The following DNAH5 variants were observed in gnomAD, a reference collection of about 807,000 sequenced individuals.
DNAH5 encodes dynein axonemal heavy chain 5, also known as axonemal beta dynein heavy chain 5.
In DNAH5, 372 loss-of-function variants were observed where a neutral mutation model predicts 518.2. The observed-to-expected ratio is 0.72, with a 90% CI of 0.66 to 0.78. The LOEUF (loss-of-function observed/expected upper bound fraction) is 0.78, where lower values mean the gene tolerates loss of function less well. Among genes scored for constraint, DNAH5 ranks in the 30% least tolerant of loss-of-function variants. DNAH5 has a pLI of 0.00. For synonymous variants in DNAH5, 2,039 were observed against 2,025.9 expected (o/e 1.01, Z -0.17); for missense variants, 5,523 against 5,687.0 (o/e 0.97, Z 0.93).
intron 4 of DNAH5, among the ~76,000 whole-genome samples, chr5:13,923,055 G>T (rs1457183788): frequency 6.6e-6 from 1 of 152,082 alleles, no homozygotes; most frequent in East Asian, 1.9e-4. Flanking sequence ...CACCCAGAAG[G>T]TTATATCAAT....
intron 1 of DNAH5, among the ~76,000 whole-genome samples, chr5:13,965,310 T>G (rs1313092209): frequency 6.6e-6 from 1 of 152,176 alleles, no homozygotes; most frequent in Non-Finnish European, 1.5e-5. Flanking sequence ...CTGGACATGA[T>G]TGATAAGCAC....
At chr5:13,913,390 C>G (rs1169190670) in intron 11 of DNAH5, among the ~76,000 whole-genome samples, 2 of 152,000 alleles carry the variant, frequency 1.3e-5, no homozygotes, top group Non-Finnish European at 2.9e-5. Flanking sequence ...CTGGTGTCAA[C>G]TAGTGCCTGA....
chr5:13,777,472 T>TA (rs1458750892), intron 53 of DNAH5, 117 bp from the exon 54 acceptor site: 1 of 771,014 alleles, frequency 1.3e-6, no homozygotes, highest in Non-Finnish European at 2.2e-6. Context: ...TGTTCTATCG[T>TA]ATACGTATGT....
At chr5:13,857,601 G>A (rs189453430) in intron 30 of DNAH5, among the ~76,000 whole-genome samples, 4 of 152,278 alleles carry the variant, frequency 2.6e-5, no homozygotes, top group African/African-American at 9.6e-5. Flanking sequence ...CACGCTACCT[G>A]ATTTCAAACT....
rs375368946 is a variant in DNAH5 at position 13,797,886 on chromosome 5, G to A, written c.7888-3828C>T. Among the ~76,000 whole-genome samples, 15 of 152,180 alleles carry A rather than the reference G, an allele frequency of 9.9e-5. No homozygotes were observed. The East Asian group carries it at 1.2e-3, about 12-fold the overall frequency. On this transcript the variant is annotated intron_variant, in intron 47 of 78. Transcript: ENST00000265104. Reference sequence around the variant, plus strand: ...ATACTATGTAGCCATAAAAAAGGATGAGTTAATGTTCTTTGCAGGGACATG... The same window carrying A: ...ATACTATGTAGCCATAAAAAAGGATAAGTTAATGTTCTTTGCAGGGACATG...
At chr5:13,747,059 C>T (rs1030872994) in intron 65 of DNAH5, among the ~76,000 whole-genome samples, 1 of 151,746 alleles carries the variant, frequency 6.6e-6, no homozygotes, top group Non-Finnish European at 1.5e-5. Flanking sequence ...CCACAACAGG[C>T]CCCAGTGTGT....
chr5:13,856,545 C>T (rs2652775), intron 30 of DNAH5, among the ~76,000 whole-genome samples: 9,336 of 152,174 alleles, frequency 0.061, 303 homozygotes, highest in African/African-American at 0.078. Context: ...CATACCAAAA[C>T]CTGGCAGAGA....
intron 38 of DNAH5, among the ~76,000 whole-genome samples, chr5:13,827,971 C>T (rs905574598): frequency 1.2e-4 from 19 of 152,220 alleles, no homozygotes; most frequent in Non-Finnish European, 5.9e-5. Flanking sequence ...TTCCTGAGGC[C>T]TTCCCAGCCA....
At chr5:13,989,845 T>A (rs890942598) in intron 1 of DNAH5, among the ~76,000 whole-genome samples, 2 of 152,168 alleles carry the variant, frequency 1.3e-5, no homozygotes, top group Non-Finnish European at 2.9e-5. Flanking sequence ...CAGATTTTTT[T>A]AATGTTCTTT....
intron 68 of DNAH5, among the ~76,000 whole-genome samples, chr5:13,730,102 C>A (rs1397181307): frequency 6.6e-6 from 1 of 152,178 alleles, no homozygotes; most frequent in African/African-American, 2.4e-5. Context: ...CTTGAACACA[C>A]CCCAAGGGTT....
At chr5:13,772,809 A>G (rs1753526052) in intron 55 of DNAH5, among the ~76,000 whole-genome samples, 2 of 152,196 alleles carry the variant, frequency 1.3e-5, no homozygotes, top group South Asian at 4.1e-4. Context: ...TTATGATCTA[A>G]ATGAAATGCT....
Position 13,864,302 on chromosome 5 carries a change from T to C in DNAH5, c.4596+95A>G, listed in dbSNP as rs73746938. 1.0e-3 allele frequency: 1,596 copies of C among 1,527,568 alleles called. 19 individuals carry two copies. In the African/African-American group the frequency reaches 0.019, roughly 18 times the overall value. 94.6% of individuals were successfully genotyped at this position (1,527,568 alleles called of 1,614,324 possible). A position where few individuals can be genotyped will look rare whatever the true frequency, so the allele number is the denominator to read the frequency against. On this transcript the variant is annotated intron_variant, in intron 28 of 78. Coordinates refer to ENST00000265104, the MANE Select transcript of DNAH5 (RefSeq NM_001369.3). Reference sequence around the variant, plus strand: ...TGCCAGGAGAAGAGTTTCAATTGTCTGAGTGTAGTTTACTGATCCAATATT... The same window carrying C: ...TGCCAGGAGAAGAGTTTCAATTGTCCGAGTGTAGTTTACTGATCCAATATT...
At chr5:13,736,090 T>C (rs1747372425) in intron 66 of DNAH5, among the ~76,000 whole-genome samples, 158 bp from the exon 67 acceptor site, 1 of 152,252 alleles carries the variant, frequency 6.6e-6, no homozygotes, top group Non-Finnish European at 1.5e-5. Context: ...CATTTATTAA[T>C]ATATTTATTA....
In DNAH5 at chr5:13,763,016, T is replaced by A. The variant is rs539654978; in HGVS notation, c.10102-115A>T. The A allele has an allele frequency of 2.4e-5, 21 of 869,498 alleles. No homozygotes were observed. In the African/African-American group the frequency reaches 3.0e-4, roughly 12 times the overall value. The allele number at this position is 869,498 out of a possible 1,614,324, so 53.9% of individuals were successfully genotyped here. ...AACGACCACAAATGAATGAAGGGCATCATATTTTGTCACTATTTTAAGATA... is the reference window on the plus strand; with the variant it reads ...AACGACCACAAATGAATGAAGGGCAACATATTTTGTCACTATTTTAAGATA... On this transcript the variant is annotated intron_variant, in intron 59 of 78. Transcript: ENST00000265104.
rs765905921 is a variant in DNAH5 at position 13,735,889 on chromosome 5, C to G, written c.11499G>C (p.Met3833Ile). The change falls in exon 67 of 79, where the codon ATG becomes ATC. Residue 3833 changes from methionine to isoleucine, a missense_variant. Physicochemically the swap from Met to Ile is conservative, Grantham distance 10. This residue lies in a region of DNAH5 where 5,121 missense variants were observed against 5,223.3 expected (regional missense o/e 0.98). Transcript: ENST00000265104. ...GSILYFLITE[M>I]RLVNEMYQTS... is the part of the protein sequence containing the mutation. The stretch of plus-strand genomic sequence containing the variant: ...TCTGATACATCTCATTAACCAAGCG[C>G]ATCTCAGTAATGAGGAAGTAGAGGA... 1.2e-6 allele frequency: 2 copies of G among 1,613,988 alleles called. No homozygotes were observed. Among genetic ancestry groups the G allele is most frequent in the Non-Finnish European group, 1.7e-6 (2 of 1,180,008 alleles).
rs62340496 is a variant in DNAH5 at position 13,865,604 on chromosome 5, G to C, written c.4355+64C>G. On this transcript the variant is annotated intron_variant, in intron 27 of 78. Coordinates refer to ENST00000265104, the MANE Select transcript of DNAH5 (RefSeq NM_001369.3). ...GCTGGGGTGAAAAGAGAACTTGGCTGCCTATCAAAGAGGAAAGCATTTGAA... is the reference window on the plus strand; with the variant it reads ...GCTGGGGTGAAAAGAGAACTTGGCTCCCTATCAAAGAGGAAAGCATTTGAA... The C allele has an allele frequency of 5.4e-3, 5,304 of 986,472 alleles. 24 individuals carry two copies. The highest frequency in any genetic ancestry group is 8.5e-3 in the Middle Eastern group (36 of 4,214). 61.1% of individuals were successfully genotyped at this position (986,472 alleles called of 1,614,324 possible).
At chr5:13,977,415 A>G (rs769046919) in intron 1 of DNAH5, among the ~76,000 whole-genome samples, 1 of 152,110 alleles carries the variant, frequency 6.6e-6, no homozygotes, top group Non-Finnish European at 1.5e-5. Context: ...ATTACCATAG[A>G]CCGAAAGGCT....
chr5:14,008,960 A>G (rs1002650350), intron 1 of DNAH5, among the ~76,000 whole-genome samples: 3 of 152,240 alleles, frequency 2.0e-5, no homozygotes, highest in African/African-American at 4.8e-5. Context: ...CCCTGCAAGG[A>G]CAGGACAAAC....
At position 13,701,411 on chromosome 5, in the gene DNAH5, C is replaced by A. The variant is rs370684795; in HGVS notation, c.13364G>T (p.Gly4455Val). ...KKASWISSTL[G>V]FWFTELIERN... ...TTCTATAAGTTCAGTAAACCAGAAA[C>A]CCAGTGTACTAGAAATCCAAGAAGC... The change falls in exon 77 of 79, where the codon GGT becomes GTT. Residue 4455 changes from glycine to valine, a missense_variant. Gly to Val is a moderately radical substitution (Grantham distance 109, BLOSUM62 -3). Transcript: ENST00000265104. The A allele has an allele frequency of 1.2e-5, 19 of 1,613,044 alleles. No individual in the cohort carries two copies. In the East Asian group the frequency reaches 4.0e-4, roughly 34 times the overall value.
Sources: allele counts gnomAD v4.1 joint callset (sites outside exome capture counted in the v4.1 genomes callset), GRCh38; gene constraint gnomAD v4.1.1; regional missense constraint gnomAD v4.1.1; transcripts MANE v1.5; gene names NCBI Gene and HGNC (gene_info 2026-07-23, HGNC 2026-07-21).